Variants in INSR observed in about 807,000 individuals in gnomAD.
INSR encodes the protein IR.
In INSR, 67 loss-of-function variants were observed where a neutral mutation model predicts 142.6. The observed-to-expected ratio is 0.47, with a 90% confidence interval of 0.39 to 0.58. The LOEUF is 0.58. INSR is among the 20% of genes least tolerant of loss of function. The pLI is 0.00. For synonymous variants in INSR, 756 were observed against 743.1 expected (o/e 1.02, Z -0.28); for missense variants, 1,248 against 1,833.2 (o/e 0.68, Z 5.83).
At chr19:7,152,496 T>C in intron 10 of INSR, 1 of 589,566 alleles carries the variant, frequency 1.7e-6, no homozygotes, top group Non-Finnish European at 3.1e-6. Flanking sequence ...AATGCTGAGT[T>C]TTGTCCATTT....
intron 2 of INSR, among the ~76,000 whole-genome samples, chr19:7,266,114 C>T (rs1397926446): frequency 6.6e-6 from 1 of 152,104 alleles, no homozygotes; most frequent in Non-Finnish European, 1.5e-5. Context: ...CAAATAGAAA[C>T]AATGACAACA....
chr19:7,154,300 C>CTTTTT (rs762914829), intron 9 of INSR, among the ~76,000 whole-genome samples: 5 of 107,292 alleles, frequency 4.7e-5, no homozygotes, highest in Non-Finnish European at 7.2e-5. Flanking sequence ...ACCACAATTA[C>CTTTTT]TTTTTTTTTT....
chr19:7,173,020 G>A (rs1352678960), intron 4 of INSR, among the ~76,000 whole-genome samples: 1 of 152,158 alleles, frequency 6.6e-6, no homozygotes, highest in Non-Finnish European at 1.5e-5. Context: ...TGGGTCTATG[G>A]CTGTTTTCAT....
chr19:7,148,248 C>T (rs991886715), intron 11 of INSR, among the ~76,000 whole-genome samples: 1 of 151,866 alleles, frequency 6.6e-6, no homozygotes, highest in Non-Finnish European at 1.5e-5. Context: ...TCCAGCAATC[C>T]CACACTAACC....
intron 1 of INSR, among the ~76,000 whole-genome samples, chr19:7,274,028 A>C (rs1172834504): frequency 6.6e-6 from 1 of 152,016 alleles, no homozygotes; most frequent in East Asian, 1.9e-4. Context: ...CCCACATATA[A>C]TCAATCCTAA....
At chr19:7,136,409 G>A (rs2144844586) in intron 13 of INSR, among the ~76,000 whole-genome samples, 1 of 152,140 alleles carries the variant, frequency 6.6e-6, no homozygotes, top group South Asian at 2.1e-4. Flanking sequence ...TTCTGAGTGT[G>A]GACATTGAAA....
At chr19:7,128,500 C>T (rs1478504811) in intron 15 of INSR, among the ~76,000 whole-genome samples, 1 of 152,130 alleles carries the variant, frequency 6.6e-6, no homozygotes. Context: ...AGGTGTGAGC[C>T]ACTGTGCCCA....
chr19:7,168,178 G>A lies in INSR; in HGVS notation c.1484-84C>T, dbSNP rs952664230. 4.2e-6 allele frequency: 6 copies of A among 1,415,276 alleles called. No individual in the cohort carries two copies. Among genetic ancestry groups the A allele is most frequent in the African/African-American group, 1.4e-5 (1 of 70,702 alleles). 87.7% of individuals were successfully genotyped at this position (1,415,276 alleles called of 1,614,324 possible). ...GCCTGGGACCCCCACACTTCCTGGA[G>A]GGACCGTGAGAAGGCAGAGGTGACG... On this transcript the variant is annotated intron_variant, in intron 6 of 21. Coordinates refer to ENST00000302850, the MANE Select transcript of INSR (RefSeq NM_000208.4). This position sits in a 1 kb window ranked among gnomAD's most constrained non-coding sequence, Gnocchi z 4.3.
Position 7,189,288 on chromosome 19 carries a change from A to G in INSR, c.653-4651T>C, listed in dbSNP as rs895069378. On this transcript the variant is annotated intron_variant, in intron 2 of 21. Transcript: ENST00000302850. ...GGCCTAACACAAACCTCTCAAACAC[A>G]TAAGTCCTTCCGGCCTAGACAATGG... 5.9e-5 allele frequency among the ~76,000 whole-genome samples: 9 copies of G among 152,230 alleles called. No individual in the cohort carries two copies. In the South Asian group the frequency reaches 8.3e-4, roughly 14 times the overall value.
chr19:7,142,424 G>A (rs983004910), intron 12 of INSR, among the ~76,000 whole-genome samples: 21 of 138,954 alleles, frequency 1.5e-4, no homozygotes, highest in African/African-American at 4.1e-4. Context: ...GGCCAGGTTC[G>A]GTGCTCATGC....
intron 3 of INSR, among the ~76,000 whole-genome samples, chr19:7,183,647 A>G (rs936665689): frequency 6.6e-6 from 1 of 152,134 alleles, no homozygotes. Context: ...TTATGTGACA[A>G]TGATGAAGCT....
At chr19:7,137,503 C>G (rs973667424) in intron 13 of INSR, among the ~76,000 whole-genome samples, 1 of 151,984 alleles carries the variant, frequency 6.6e-6, no homozygotes, top group East Asian at 1.9e-4. Flanking sequence ...TGCAACTGAC[C>G]CAGGCTAGGC....
chr19:7,202,158 C>A (rs566635831), intron 2 of INSR, among the ~76,000 whole-genome samples: 1 of 152,106 alleles, frequency 6.6e-6, no homozygotes, highest in Non-Finnish European at 1.5e-5. Flanking sequence ...TTGGCTCGTG[C>A]GACTGAGAAA....
chr19:7,240,444 T>C (rs1418658251), intron 2 of INSR, among the ~76,000 whole-genome samples: 1 of 152,098 alleles, frequency 6.6e-6, no homozygotes, highest in Admixed American at 6.6e-5. Context: ...TAGCCAGGCG[T>C]GGTGGTGCAC....
intron 2 of INSR, among the ~76,000 whole-genome samples, chr19:7,198,307 G>T (rs1309309342): frequency 6.6e-6 from 1 of 151,858 alleles, no homozygotes; most frequent in African/African-American, 2.4e-5. Context: ...CTGGCGCTCG[G>T]GCAGTGGCCG....
chr19:7,270,648 C>G (rs138164565), intron 1 of INSR, among the ~76,000 whole-genome samples: 1 of 152,124 alleles, frequency 6.6e-6, no homozygotes, highest in Non-Finnish European at 1.5e-5. Context: ...ATTCCAGCTA[C>G]TTGGGAGGCT....
At chr19:7,265,076 C>T (rs1291510493) in intron 2 of INSR, among the ~76,000 whole-genome samples, 2 of 152,202 alleles carry the variant, frequency 1.3e-5, no homozygotes, top group African/African-American at 4.8e-5. Flanking sequence ...AAGCCACCCA[C>T]TTAACTTCTT....
rs1258463004 is a variant in INSR at position 7,125,445 on chromosome 19, G to A, written c.3096C>T (p.Gly1032=). 1 of 1,614,144 alleles carries A rather than the reference G, an allele frequency of 6.2e-7. No individual in the cohort carries two copies. Among genetic ancestry groups the A allele is most frequent in the Non-Finnish European group, 8.5e-7 (1 of 1,180,032 alleles). ...KITLLRELGQ[G]SFGMVYEGNA... Reference sequence around the variant, plus strand: ...TGCCCTCATACACCATGCCGAAGGAGCCCTGCCCCAGCTCTCGAAGGAGGG... The same window carrying A: ...TGCCCTCATACACCATGCCGAAGGAACCCTGCCCCAGCTCTCGAAGGAGGG... Residue 1032 remains glycine, a synonymous_variant, in exon 17 of 22, where the codon GGC becomes GGT. Coordinates refer to ENST00000302850, the MANE Select transcript of INSR (RefSeq NM_000208.4). This position sits in a 1 kb window ranked among gnomAD's most constrained non-coding sequence, Gnocchi z 4.9.
At chr19:7,120,147 C>T (rs1349158681) in intron 20 of INSR, among the ~76,000 whole-genome samples, 1 of 152,204 alleles carries the variant, frequency 6.6e-6, no homozygotes, top group Non-Finnish European at 1.5e-5. Context: ...TGGAGAGGCG[C>T]ATCAGAAACT....
Sources: allele counts gnomAD v4.1 joint callset (sites outside exome capture counted in the v4.1 genomes callset), GRCh38; gene constraint gnomAD v4.1.1; non-coding constraint Gnocchi (gnomAD v3.1); transcripts MANE v1.5; gene names NCBI Gene and HGNC (gene_info 2026-07-23, HGNC 2026-07-21).